Variants in EFCAB6 observed in about 807,000 individuals in gnomAD.
The protein encoded by EFCAB6 is EF-hand calcium binding domain 6.
Under a neutral mutation model 169.8 loss-of-function variants are expected in EFCAB6, and 156 were observed. The observed-to-expected ratio is 0.92, with a 90% CI of 0.81 to 1.05. EFCAB6 has a LOEUF of 1.05. Among genes scored for constraint, EFCAB6 ranks in the 50% least tolerant of loss-of-function variants. The pLI, the probability that EFCAB6 is intolerant of heterozygous loss-of-function variation, is 0.00. For missense variants in EFCAB6, 1,800 were observed against 1,829.1 expected (o/e 0.98, Z 0.29); for synonymous variants, 698 against 676.4 (o/e 1.03, Z -0.50).
Position 43,784,555 on chromosome 22 carries a change from A to G in EFCAB6, c.-7-2230T>C, listed in dbSNP as rs1391739477. Among the ~76,000 whole-genome samples, 716 of 96,920 alleles carry G rather than the reference A, an allele frequency of 7.4e-3. 28 individuals are homozygous for G. The highest frequency in any genetic ancestry group is 0.031 in the African/African-American group (692 of 22,132). The allele number at this position is 96,920 out of a possible 152,430, so 63.6% of individuals were successfully genotyped here. On this transcript the variant is annotated intron_variant, in intron 2 of 31. Transcript: ENST00000262726. The stretch of plus-strand genomic sequence containing the variant: ...TGTGTGTGTGTGTGTATATGTATAT[A>G]TACACATATATATGTGTACATATAC...
chr22:43,602,101 C>G (rs6519842), intron 22 of EFCAB6, among the ~76,000 whole-genome samples: 118,097 of 152,246 alleles, frequency 0.78, 46,225 homozygotes, highest in African/African-American at 0.87. Flanking sequence ...TCCTGCTCCA[C>G]GGATCAGTCC....
chr22:43,764,168 G>A (rs2061253338), intron 5 of EFCAB6, among the ~76,000 whole-genome samples: 1 of 152,126 alleles, frequency 6.6e-6, no homozygotes, highest in Non-Finnish European at 1.5e-5. Flanking sequence ...CCAGGTAGTG[G>A]GCATAGTACC....
At chr22:43,652,497 G>C (rs1292807639) in intron 17 of EFCAB6, among the ~76,000 whole-genome samples, 2 of 152,110 alleles carry the variant, frequency 1.3e-5, no homozygotes, top group Non-Finnish European at 2.9e-5. Context: ...CTCTGAGTTA[G>C]AGCTTTTGAA....
chr22:43,640,439 T>C (rs1296509986), intron 17 of EFCAB6, among the ~76,000 whole-genome samples: 1 of 152,228 alleles, frequency 6.6e-6, no homozygotes, highest in East Asian at 1.9e-4. Flanking sequence ...GCTAGGTTAC[T>C]TGCAATCTGT....
intron 3 of EFCAB6, among the ~76,000 whole-genome samples, chr22:43,780,200 G>T (rs919293598): frequency 6.6e-6 from 1 of 152,002 alleles, no homozygotes; most frequent in Non-Finnish European, 1.5e-5. Context: ...TTAAGAGCAG[G>T]AACAGGCTGG....
intron 17 of EFCAB6, among the ~76,000 whole-genome samples, chr22:43,652,988 AAAATGCAG>A (rs1267428719): frequency 6.6e-6 from 1 of 152,228 alleles, no homozygotes; most frequent in African/African-American, 2.4e-5. Context: ...CACAGATTGA[AAAATGCAG>A]AACATGGGAT....
intron 20 of EFCAB6, among the ~76,000 whole-genome samples, chr22:43,616,291 G>A (rs1002472692): frequency 2.0e-5 from 3 of 152,226 alleles, no homozygotes; most frequent in African/African-American, 7.2e-5. Flanking sequence ...GAGAGATAAT[G>A]GAGACTACAG....
intron 25 of EFCAB6, 60 bp from the exon 26 acceptor site, chr22:43,576,548 ACTTTC>A: frequency 7.1e-7 from 1 of 1,410,412 alleles, no homozygotes; most frequent in Non-Finnish European, 9.4e-7. Flanking sequence ...CTTCTAAAAC[ACTTTC>A]CTTAAGTACT....
At chr22:43,706,342 T>C (rs769855165) in intron 10 of EFCAB6, among the ~76,000 whole-genome samples, 1 of 152,202 alleles carries the variant, frequency 6.6e-6, no homozygotes, top group Non-Finnish European at 1.5e-5. Flanking sequence ...GAAAACTGAA[T>C]CAGAAGTAGT....
chr22:43,718,703 C>T (rs1019395474), intron 8 of EFCAB6, among the ~76,000 whole-genome samples: 1 of 152,182 alleles, frequency 6.6e-6, no homozygotes, highest in Non-Finnish European at 1.5e-5. Context: ...ACTGCTTGAA[C>T]CTGGGAGGCG....
At chr22:43,714,124 C>A (rs371424501) in intron 9 of EFCAB6, among the ~76,000 whole-genome samples, 9 of 152,096 alleles carry the variant, frequency 5.9e-5, no homozygotes, top group Admixed American at 6.5e-5. Context: ...ATAAAAATAG[C>A]ATCATTACAG....
chr22:43,710,763 A>G (rs2059131153), intron 10 of EFCAB6, among the ~76,000 whole-genome samples: 1 of 151,972 alleles, frequency 6.6e-6, no homozygotes, highest in Non-Finnish European at 1.5e-5. Flanking sequence ...GTTTGCCACC[A>G]CCTATGAAGT....
At chr22:43,596,765 G>T (rs2052044868) in intron 23 of EFCAB6, among the ~76,000 whole-genome samples, 1 of 152,062 alleles carries the variant, frequency 6.6e-6, no homozygotes, top group South Asian at 2.1e-4. Context: ...AAACTCATAT[G>T]GAACCACAAA....
chr22:43,659,172 G>A (rs1208897680), intron 17 of EFCAB6, among the ~76,000 whole-genome samples: 2 of 152,220 alleles, frequency 1.3e-5, no homozygotes, highest in Admixed American at 6.5e-5. Context: ...TTGTGTGGGT[G>A]TATCTGTGAC....
At chr22:43,732,965 A>G (rs1026134095) in intron 7 of EFCAB6, among the ~76,000 whole-genome samples, 1 of 152,222 alleles carries the variant, frequency 6.6e-6, no homozygotes, top group Non-Finnish European at 1.5e-5. Context: ...CTAATCTCAT[A>G]CTGCTTTCTA....
chr22:43,733,966 C>CA (rs1204250540), intron 7 of EFCAB6, among the ~76,000 whole-genome samples: 1 of 152,112 alleles, frequency 6.6e-6, no homozygotes, highest in African/African-American at 2.4e-5. Flanking sequence ...CTCAGCATCC[C>CA]AAAGTGCTGG....
intron 6 of EFCAB6, among the ~76,000 whole-genome samples, chr22:43,739,523 T>G (rs2060291291): frequency 3.3e-5 from 5 of 152,170 alleles, no homozygotes; most frequent in Non-Finnish European, 1.5e-5. Flanking sequence ...GACTCCCACA[T>G]GTCTGTCTTG....
intron 2 of EFCAB6, among the ~76,000 whole-genome samples, chr22:43,800,370 G>T (rs1330328761): frequency 6.6e-6 from 1 of 152,146 alleles, no homozygotes; most frequent in Non-Finnish European, 1.5e-5. Flanking sequence ...AAACAAGCAA[G>T]AAGTCCAGAG....
At chr22:43,596,211 C>T (rs1159103076) in intron 23 of EFCAB6, among the ~76,000 whole-genome samples, 6 of 152,054 alleles carry the variant, frequency 3.9e-5, no homozygotes, top group African/African-American at 1.4e-4. Flanking sequence ...ACTTTTACCA[C>T]TTCTATTCAA....
Sources: gnomAD v4.1 joint callset for allele counts (sites outside exome capture counted in the v4.1 genomes callset) on GRCh38, gnomAD v4.1.1 for gene constraint, MANE v1.5 for transcripts, NCBI Gene and HGNC (gene_info 2026-07-23, HGNC 2026-07-21) for gene names.